BSN: variants seen among roughly 807,000 people sequenced by gnomAD.
The protein encoded by BSN is protein bassoon.
BSN carries 57 observed loss-of-function variants against 264.8 expected under a neutral mutation model. That is an observed-to-expected ratio of 0.22 (90% CI 0.17 to 0.27). The LOEUF is 0.27. BSN is among the 10% of genes least tolerant of loss of function. The pLI, the probability that BSN is intolerant of heterozygous loss-of-function variation, is 1.00. For missense variants in BSN, 4,615 were observed against 5,232.5 expected, an observed-to-expected ratio of 0.88 and a Z score of 3.64; for synonymous variants, 2,059 against 2,137.3, an observed-to-expected ratio of 0.96 and a Z score of 1.01.
rs2052540351 is a variant in BSN, at chr3:49,651,436, G to T, written c.1987-107G>T. 7.7e-7 allele frequency: 1 copy of T among 1,297,978 alleles called. No individual in the cohort carries two copies. 80.4% of individuals were successfully genotyped at this position (1,297,978 alleles called of 1,614,324 possible). On this transcript the variant is annotated intron_variant, in intron 4 of 11. Coordinates refer to ENST00000296452, the MANE Select transcript of BSN (RefSeq NM_003458.4). This position sits in a 1 kb window ranked among gnomAD's most constrained non-coding sequence, Gnocchi z 5.4. ...TGGGTGGCGGGCCCTAAACCCTTGG[G>T]AAATGGACAGACTCTTCCCCAGGGT...
intron 1 of BSN, among the ~76,000 whole-genome samples, chr3:49,572,830 G>C (rs1422814750): frequency 6.6e-6 from 1 of 152,232 alleles, no homozygotes; most frequent in African/African-American, 2.4e-5. Context: ...ACCGCGCCCA[G>C]CCACCTTGCA....
At position 49,662,366 on chromosome 3, in the gene BSN, C is replaced by A. The variant is rs758951800; in HGVS notation, c.10521C>A (p.Pro3507=). 3.7e-6 allele frequency: 6 copies of A among 1,613,434 alleles called. No individual in the cohort carries two copies. In the African/African-American group the frequency reaches 8.0e-5, roughly 22 times the overall value. The change falls in exon 6 of 12, where the codon CCC becomes CCA. Residue 3507 remains proline (P), a synonymous_variant. Transcript: ENST00000296452. ...GCCAGGCCTCTGAAGAGGAGAGCCC[C>A]GTCAGTCCTTTGGGGAGGCCCCGCC... ...MRSQASEEES[P]VSPLGRPRPA...
chr3:49,579,403 A>G (rs1428022874), intron 1 of BSN, among the ~76,000 whole-genome samples: 1 of 151,106 alleles, frequency 6.6e-6, no homozygotes, highest in Non-Finnish European at 1.5e-5. Context: ...GATGCGCTTT[A>G]CAATTTTTTT....
At chr3:49,562,180 T>C (rs1319629251) in intron 1 of BSN, among the ~76,000 whole-genome samples, 2 of 152,206 alleles carry the variant, frequency 1.3e-5, no homozygotes, top group Non-Finnish European at 2.9e-5. Context: ...TACCTCCTAC[T>C]GTGTCACCTA....
chr3:49,661,221 A>G lies in BSN; in HGVS notation c.9376A>G (p.Thr3126Ala), dbSNP rs202106653. 5.6e-6 allele frequency: 9 copies of G among 1,613,604 alleles called. No individual in the cohort carries two copies. Among genetic ancestry groups the G allele is most frequent in the Admixed American group, 1.7e-5 (1 of 60,028 alleles). The change falls in exon 6 of 12, where the codon ACC becomes GCC. Residue 3126 changes from threonine to alanine, a missense_variant. By Grantham distance (58) the Thr-to-Ala change is moderately conservative. Coordinates refer to ENST00000296452, the MANE Select transcript of BSN (RefSeq NM_003458.4). ...GHYAGQTPMP[T>A]TQSTLFPVPA... ...CTATGCAGGCCAAACACCCATGCCA[A>G]CCACACAGAGCACCCTTTTTCCAGT...
chr3:49,555,343 G>A (rs1340693202), intron 1 of BSN, among the ~76,000 whole-genome samples: 1 of 152,184 alleles, frequency 6.6e-6, no homozygotes, highest in Non-Finnish European at 1.5e-5. Flanking sequence ...TTTAGTGGCT[G>A]TAATCACCTT....
rs1205018661 is a variant in BSN, at chr3:49,670,282, C to T, written c.*2797C>T. ...GTGCCTTGGAGACCAAGGCAATAGT[C>T]CTTTCCACTACAGGCCAGGGGATGG... On this transcript the variant is annotated 3_prime_UTR_variant, in exon 12 of 12. Coordinates refer to ENST00000296452, the MANE Select transcript of BSN (RefSeq NM_003458.4). 6.6e-6 allele frequency: 1 copy of T among 152,282 alleles called. No individual in the cohort carries two copies. The highest frequency in any genetic ancestry group is 2.4e-5 in the African/African-American group (1 of 41,464). The allele number at this position is 152,282 out of a possible 1,614,324, so 9.4% of individuals were successfully genotyped here. A position where few individuals can be genotyped will look rare whatever the true frequency, so the allele number is the denominator to read the frequency against.
intron 1 of BSN, among the ~76,000 whole-genome samples, chr3:49,619,704 T>C (rs1043490187): frequency 6.6e-6 from 1 of 152,034 alleles, no homozygotes; most frequent in Non-Finnish European, 1.5e-5. Context: ...CGGCTGGGGG[T>C]GTAGCCAACT....
intron 1 of BSN, among the ~76,000 whole-genome samples, chr3:49,615,891 A>G (rs1264816665): frequency 6.6e-6 from 1 of 152,208 alleles, no homozygotes; most frequent in Non-Finnish European, 1.5e-5. Context: ...TTAAGAGTGT[A>G]AGAATTTTCT....
At chr3:49,591,906 A>T (rs1213603226) in intron 1 of BSN, among the ~76,000 whole-genome samples, 1 of 152,014 alleles carries the variant, frequency 6.6e-6, no homozygotes, top group South Asian at 2.1e-4. Flanking sequence ...AGATTTTCAA[A>T]CTGCCTTTAT....
At position 49,644,361 on chromosome 3, in the gene BSN, T is replaced by C. The variant is rs549489688; in HGVS notation, c.1518+1209T>C. On this transcript the variant is annotated intron_variant, in intron 3 of 11. Transcript: ENST00000296452. ...TGCCATGGCCTCTGTGGCACCTTGTTCTGACTTCCCTTGGGCCAGGACTCC... is the reference window on the plus strand; with the variant it reads ...TGCCATGGCCTCTGTGGCACCTTGTCCTGACTTCCCTTGGGCCAGGACTCC... Among the ~76,000 whole-genome samples, 8 of 152,238 alleles carry C rather than the reference T, an allele frequency of 5.3e-5. No homozygotes were observed. In the South Asian group the frequency reaches 1.7e-3, roughly 32 times the overall value.
In BSN at chr3:49,658,177, A is replaced by T; in HGVS notation, c.8621A>T (p.Gln2874Leu). ...GAGAGATTCTCCCTCTACCAGCACC[A>T]GGGGGGACTGGGTAGCCAGGTATGG... ...AKERFSLYQH[Q>L]GGLGSQVSAL... The change falls in exon 5 of 12, where the codon CAG becomes CTG. Residue 2874 changes from glutamine to leucine, a missense_variant. By Grantham distance (113) the Gln-to-Leu change is moderately radical. Around this residue, in one of 3 missense-constraint regions of BSN, gnomAD observed 3,415 missense variants for 3,866.4 expected, o/e 0.88. Coordinates refer to ENST00000296452, the MANE Select transcript of BSN (RefSeq NM_003458.4). 2 of 1,576,386 alleles carry T rather than the reference A, an allele frequency of 1.3e-6. No individual in the cohort carries two copies. Among genetic ancestry groups the T allele is most frequent in the Non-Finnish European group, 1.7e-6 (2 of 1,156,192 alleles).
rs1402185325 is a variant in BSN at position 49,670,203 on chromosome 3, G to A, written c.*2718G>A. 1 of 152,412 alleles carries A rather than the reference G, an allele frequency of 6.6e-6. No individual in the cohort carries two copies. The highest frequency in any genetic ancestry group is 1.5e-5 in the Non-Finnish European group (1 of 68,082). 9.4% of individuals were successfully genotyped at this position (152,412 alleles called of 1,614,324 possible). A position where few individuals can be genotyped will look rare whatever the true frequency, so the allele number is the denominator to read the frequency against. On this transcript the variant is annotated 3_prime_UTR_variant, in exon 12 of 12. Transcript: ENST00000296452. Reference sequence around the variant, plus strand: ...ATGCAGCCATCTGAGCAAGGGCTGAGGGAAGCCATCACCTAACACCTCTGG... The same window carrying A: ...ATGCAGCCATCTGAGCAAGGGCTGAAGGAAGCCATCACCTAACACCTCTGG...
chr3:49,593,118 A>T (rs2051993538), intron 1 of BSN, among the ~76,000 whole-genome samples: 1 of 152,172 alleles, frequency 6.6e-6, no homozygotes, highest in South Asian at 2.1e-4. Flanking sequence ...AAAATATGTT[A>T]TTTCAAACAT....
intron 1 of BSN, among the ~76,000 whole-genome samples, chr3:49,618,418 GGGCCA>G (rs559705095): frequency 1.7e-3 from 252 of 152,228 alleles, no homozygotes; most frequent in Non-Finnish European, 2.6e-3. Context: ...ACTATCTCCT[GGGCCA>G]GTGCCTTATT....
At chr3:49,616,577 A>G (rs1377920131) in intron 1 of BSN, among the ~76,000 whole-genome samples, 3 of 152,194 alleles carry the variant, frequency 2.0e-5, no homozygotes, top group Non-Finnish European at 4.4e-5. Context: ...CCTCAACTGA[A>G]GGCGGTGGGG....
At chr3:49,563,285 C>T (rs1195012209) in intron 1 of BSN, among the ~76,000 whole-genome samples, 7 of 152,160 alleles carry the variant, frequency 4.6e-5, no homozygotes, top group Admixed American at 1.3e-4. Context: ...CCTCCTTGTG[C>T]TGGGTTGGTT....
chr3:49,589,994 C>A (rs902869946), intron 1 of BSN, among the ~76,000 whole-genome samples: 1 of 152,018 alleles, frequency 6.6e-6, no homozygotes, highest in South Asian at 2.1e-4. Flanking sequence ...TGTGCCACCA[C>A]GCCCAGCTAA....
At position 49,656,151 on chromosome 3, in the gene BSN, A is replaced by G; in HGVS notation, c.6595A>G (p.Asn2199Asp). ...TGATGGCATGATCTACTCGACTATC[A>G]ATACCCCAATTGCTGCAACACTGCC... is the stretch of plus-strand genomic sequence containing the variant. ...AADGMIYSTINTPIAATLPIT... is the reference protein window; with the variant it reads ...AADGMIYSTIDTPIAATLPIT... Residue 2199 changes from asparagine to aspartate, a missense_variant, in exon 5 of 12, where the codon AAT becomes GAT. This residue lies in a region of BSN where 3,415 missense variants were observed against 3,866.4 expected (regional missense o/e 0.88). Transcript: ENST00000296452. 1 of 1,613,056 alleles carries G rather than the reference A, an allele frequency of 6.2e-7. No homozygotes were observed. Among genetic ancestry groups the G allele is most frequent in the Middle Eastern group, 1.6e-4 (1 of 6,062 alleles).
Sources: gnomAD v4.1 joint callset for allele counts (sites outside exome capture counted in the v4.1 genomes callset) on GRCh38, gnomAD v4.1.1 for gene constraint, gnomAD v4.1.1 regional missense constraint, Gnocchi (gnomAD v3.1) non-coding constraint, MANE v1.5 for transcripts, NCBI Gene and HGNC (gene_info 2026-07-23, HGNC 2026-07-21) for gene names.